The following SLC2A12 variants were observed in gnomAD, a reference collection of about 807,000 sequenced individuals.
The protein encoded by SLC2A12 is solute carrier family 2 member 12, also known as solute carrier family 2, facilitated glucose transporter member 12.
A neutral mutation model predicts 41.8 loss-of-function variants in SLC2A12; 23 were observed. The ratio of observed to expected loss-of-function variants is 0.55; its 90% confidence interval spans 0.40 to 0.78. The LOEUF is 0.78. SLC2A12 is among the 30% of genes least tolerant of loss of function. The pLI is 0.00. For synonymous variants in SLC2A12, 295 were observed against 285.9 expected, an observed-to-expected ratio of 1.03 and a Z score of -0.32; for missense variants, 654 against 745.6, an observed-to-expected ratio of 0.88 and a Z score of 1.43.
At chr6:134,015,066 T>A (rs1056952557) in intron 2 of SLC2A12, among the ~76,000 whole-genome samples, 24 of 152,232 alleles carry the variant, frequency 1.6e-4, no homozygotes, top group African/African-American at 5.8e-4. Flanking sequence ...TCACCCTAAA[T>A]GACCTTTGAC....
chr6:134,013,191 T>TGA (rs1776911023), intron 2 of SLC2A12, among the ~76,000 whole-genome samples: 1 of 152,060 alleles, frequency 6.6e-6, no homozygotes, highest in South Asian at 2.1e-4. Flanking sequence ...CTTGGGAGAC[T>TGA]GAGGCACAAG....
intron 2 of SLC2A12, among the ~76,000 whole-genome samples, chr6:134,008,006 A>G (rs565870710): frequency 6.6e-6 from 1 of 152,380 alleles, no homozygotes; most frequent in South Asian, 2.1e-4. Flanking sequence ...AAGTGTAAGC[A>G]TCTTTGATTC....
chr6:134,052,221 T>C (rs1044138322), intron 1 of SLC2A12, among the ~76,000 whole-genome samples, 157 bp downstream of exon 1: 6 of 115,158 alleles, frequency 5.2e-5, no homozygotes, highest in African/African-American at 2.0e-4. Context: ...TCTCCACTCA[T>C]CCAGCGCGCC....
At chr6:134,034,117 T>C (rs1310439604) in intron 1 of SLC2A12, among the ~76,000 whole-genome samples, 1 of 152,202 alleles carries the variant, frequency 6.6e-6, no homozygotes, top group African/African-American at 2.4e-5. Flanking sequence ...AAAAACCTTT[T>C]ACAATTTTCT....
At chr6:134,014,779 T>C (rs960622593) in intron 2 of SLC2A12, among the ~76,000 whole-genome samples, 5 of 152,212 alleles carry the variant, frequency 3.3e-5, no homozygotes, top group Admixed American at 3.3e-4. Flanking sequence ...GACTGAGAGA[T>C]AAGTTAAACA....
intron 1 of SLC2A12, among the ~76,000 whole-genome samples, chr6:134,039,909 T>TC (rs1343377592): frequency 6.6e-6 from 1 of 152,040 alleles, no homozygotes; most frequent in Non-Finnish European, 1.5e-5. Context: ...ATGTACCTGC[T>TC]CCCCCTTTGA....
At chr6:133,994,557 C>A (rs1402883732) in intron 4 of SLC2A12, among the ~76,000 whole-genome samples, 1 of 152,076 alleles carries the variant, frequency 6.6e-6, no homozygotes, top group Non-Finnish European at 1.5e-5. Context: ...GAAACCCCGT[C>A]TCTACTAAAA....
At chr6:134,021,006 A>G (rs1666618892) in intron 2 of SLC2A12, among the ~76,000 whole-genome samples, 1 of 152,234 alleles carries the variant, frequency 6.6e-6, no homozygotes, top group Admixed American at 6.5e-5. Flanking sequence ...ATGCCTTAAC[A>G]AAGAAATGCC....
intron 2 of SLC2A12, among the ~76,000 whole-genome samples, chr6:134,020,881 G>A (rs968920558): frequency 3.9e-5 from 6 of 152,120 alleles, no homozygotes; most frequent in African/African-American, 1.2e-4. Context: ...ATTGCTTCTG[G>A]TCTAAGCAGT....
Position 134,032,473 on chromosome 6 carries a change from T to TAA in SLC2A12, c.104-2753_104-2752insTT, listed in dbSNP as rs1562201771. 2.7e-3 allele frequency among the ~76,000 whole-genome samples: 159 copies of TAA among 59,818 alleles called. 7 individuals carry two copies. The highest frequency in any genetic ancestry group is 9.3e-3 in the Middle Eastern group (1 of 108). 39.2% of individuals were successfully genotyped at this position (59,818 alleles called of 152,430 possible). A position where few individuals can be genotyped will look rare whatever the true frequency, so the allele number is the denominator to read the frequency against. ...AAATATATATATATATATTTTTATA[T>TAA]ATATATATATATATTTGTTCTGTTT... On this transcript the variant is annotated intron_variant, in intron 1 of 4. Coordinates refer to ENST00000275230, the MANE Select transcript of SLC2A12 (RefSeq NM_145176.3).
intron 1 of SLC2A12, among the ~76,000 whole-genome samples, chr6:134,039,537 C>T (rs1777351922): frequency 6.6e-6 from 1 of 152,192 alleles, no homozygotes; most frequent in South Asian, 2.1e-4. Context: ...ACCAGATTTG[C>T]AGCATTGCAA....
At position 134,029,109 on chromosome 6, in the gene SLC2A12, C is replaced by T; in HGVS notation, c.716G>A (p.Arg239Lys). Reference protein sequence around the residue: ...QEGAASKVLGRLRALSDTTEE... With the variant: ...QEGAASKVLGKLRALSDTTEE... ...AGTTGTATCTGAGAGTGCTCTTAAC[C>T]TTCCAAGAACCTTGCTAGCAGCTCC... Residue 239 changes from arginine (R) to lysine (K), a missense_variant, in exon 2 of 5, where the codon AGG (arginine) becomes AAG (lysine). Arg to Lys is a conservative substitution (Grantham distance 26). Coordinates refer to ENST00000275230, the MANE Select transcript of SLC2A12 (RefSeq NM_145176.3). The T allele has an allele frequency of 6.2e-7, 1 of 1,614,154 alleles. No homozygotes were observed. The highest frequency in any genetic ancestry group is 1.1e-5 in the South Asian group (1 of 91,088).
intron 2 of SLC2A12, among the ~76,000 whole-genome samples, chr6:134,026,369 C>A (rs528212082): frequency 1.3e-5 from 2 of 152,258 alleles, no homozygotes; most frequent in Middle Eastern, 3.4e-3. Context: ...GTTTCACACC[C>A]AAATCTAAGG....
intron 2 of SLC2A12, among the ~76,000 whole-genome samples, chr6:134,025,096 C>T (rs553500371): frequency 1.3e-5 from 2 of 152,294 alleles, no homozygotes; most frequent in South Asian, 4.1e-4. Flanking sequence ...CTCTATTTTG[C>T]AAAATGCACA....
At chr6:134,045,938 G>A (rs1006834815) in intron 1 of SLC2A12, among the ~76,000 whole-genome samples, 3 of 152,022 alleles carry the variant, frequency 2.0e-5, no homozygotes, top group African/African-American at 7.3e-5. Flanking sequence ...TACATAATTG[G>A]GCTTGCAGCA....
At chr6:133,997,713 G>T (rs1776713073) in intron 4 of SLC2A12, among the ~76,000 whole-genome samples, 3 of 152,104 alleles carry the variant, frequency 2.0e-5, no homozygotes, top group African/African-American at 7.2e-5. Flanking sequence ...TTCACTACCT[G>T]GGTGACAGAG....
At chr6:134,003,542 G>C (rs1022089459) in intron 3 of SLC2A12, among the ~76,000 whole-genome samples, 9 of 152,132 alleles carry the variant, frequency 5.9e-5, no homozygotes, top group Admixed American at 3.3e-4. Flanking sequence ...CAGAGGCTGT[G>C]CTTTGTCCTG....
At chr6:134,032,459 T>A (rs1226834078) in intron 1 of SLC2A12, among the ~76,000 whole-genome samples, 3 of 36,502 alleles carry the variant, frequency 8.2e-5, no homozygotes, top group African/African-American at 3.5e-4. Flanking sequence ...AATATATATA[T>A]ATATATTTTT....
chr6:134,034,577 T>A (rs892314632), intron 1 of SLC2A12, among the ~76,000 whole-genome samples: 1 of 152,202 alleles, frequency 6.6e-6, no homozygotes, highest in African/African-American at 2.4e-5. Flanking sequence ...TGGTTAGCCA[T>A]GACAAGAGCA....
Sources: gnomAD v4.1 joint callset for allele counts (sites outside exome capture counted in the v4.1 genomes callset) on GRCh38, gnomAD v4.1.1 for gene constraint, MANE v1.5 for transcripts, NCBI Gene and HGNC (gene_info 2026-07-23, HGNC 2026-07-21) for gene names.